RAB37: variants seen among roughly 807,000 people sequenced by gnomAD.
RAB37 encodes ras-related protein Rab-37.
Under a neutral mutation model 33.1 loss-of-function variants are expected in RAB37, and 29 were observed. The observed-to-expected ratio is 0.88, with a 90% CI of 0.65 to 1.20. The LOEUF (loss-of-function observed/expected upper bound fraction) is 1.20. Among genes scored for constraint, RAB37 ranks in the 50% most tolerant of loss-of-function variants. The pLI is 0.00. For synonymous variants in RAB37, 128 were observed against 119.5 expected (o/e 1.07, Z -0.47); for missense variants, 299 against 301.1 (o/e 0.99, Z 0.05).
upstream of RAB37, among the ~76,000 whole-genome samples, chr17:74,732,788 G>T (rs1481025043): frequency 1.3e-5 from 2 of 151,264 alleles, no homozygotes; most frequent in African/African-American, 4.9e-5. Flanking sequence ...GGTGTGTGTG[G>T]TGTGAGGTGT....
chr17:74,723,099 C>T (rs528860578), intron 1 of RAB37, among the ~76,000 whole-genome samples: 2 of 152,318 alleles, frequency 1.3e-5, no homozygotes, highest in South Asian at 2.1e-4. Flanking sequence ...TTGCGTCTTC[C>T]GCAAAGTTGC....
chr17:74,727,699 C>T (rs2034322431), intron 1 of RAB37, among the ~76,000 whole-genome samples: 1 of 152,244 alleles, frequency 6.6e-6, no homozygotes, highest in South Asian at 2.1e-4. Flanking sequence ...GACACATTCT[C>T]ATGGTCACTT....
chr17:74,691,075 T>A (rs1244538483), intron 1 of RAB37, among the ~76,000 whole-genome samples: 1 of 152,040 alleles, frequency 6.6e-6, no homozygotes, highest in African/African-American at 2.4e-5. Context: ...CCTGGCTAAT[T>A]TTTTTAATTT....
intron 1 of RAB37, among the ~76,000 whole-genome samples, chr17:74,693,586 G>T (rs2032209276): frequency 6.6e-6 from 1 of 152,086 alleles, no homozygotes; most frequent in Non-Finnish European, 1.5e-5. Context: ...AGACGTGGTG[G>T]GGTTCAGGGT....
At position 74,730,911 on chromosome 17, in the gene RAB37, AGTGTGTG is replaced by A. The variant is rs781695624; in HGVS notation, c.183+1548_183+1554del. Among the ~76,000 whole-genome samples the A allele has an allele frequency of 2.6e-5, 4 of 152,238 alleles. No homozygotes were observed. The highest frequency in any genetic ancestry group is 1.3e-4 in the Admixed American group (2 of 15,286). ...CCGATTTCCTGTGAAGGAAAAAGAAAGTGTGTGGTCAAACTGTTTGTCTAGCCTGAGA... is the reference window on the plus strand; with the variant it reads ...CCGATTTCCTGTGAAGGAAAAAGAAAGTCAAACTGTTTGTCTAGCCTGAGA... On this transcript the variant is annotated intron_variant, in intron 2 of 7. Coordinates refer to the RAB37 transcript ENST00000340415. This position sits in a 1 kb window ranked among gnomAD's most constrained non-coding sequence, Gnocchi z 4.4.
intron 1 of RAB37, among the ~76,000 whole-genome samples, chr17:74,697,092 C>A (rs2143585883): frequency 6.6e-6 from 1 of 152,292 alleles, no homozygotes; most frequent in Non-Finnish European, 1.5e-5. Context: ...CAGATGTGTG[C>A]CACCATATCC....
intron 1 of RAB37, chr17:74,698,734 T>A: frequency 2.4e-6 from 2 of 830,422 alleles, no homozygotes; most frequent in African/African-American, 1.7e-5. Context: ...AAGCAAAGAA[T>A]CAAAAAACTA....
Position 74,747,267 on chromosome 17 carries a change from TC to T in RAB37, c.*1859del, listed in dbSNP as rs1413670747. 6.6e-6 allele frequency: 1 copy of T among 151,336 alleles called. No homozygotes were observed. Among genetic ancestry groups the T allele is most frequent in the African/African-American group, 2.4e-5 (1 of 41,112 alleles). The allele number at this position is 151,336 out of a possible 1,614,324, so 9.4% of individuals were successfully genotyped here. A position where few individuals can be genotyped will look rare whatever the true frequency, so the allele number is the denominator to read the frequency against. ...CCAAGGCAGGTTGCAGGAGATCCAA[TC>T]CCATAGACAGCTCTGGGCCTCTTGC... is the stretch of plus-strand genomic sequence containing the variant. On this transcript the variant is annotated 3_prime_UTR_variant, in exon 9 of 9. Coordinates refer to ENST00000392613, the MANE Select transcript of RAB37 (RefSeq NM_001006638.3).
intron 1 of RAB37, among the ~76,000 whole-genome samples, chr17:74,709,503 G>A (rs1034321652): frequency 2.0e-5 from 3 of 151,906 alleles, no homozygotes; most frequent in Non-Finnish European, 4.4e-5. Flanking sequence ...GCACTTTTTT[G>A]TACATTTTAT....
intron 1 of RAB37, among the ~76,000 whole-genome samples, chr17:74,709,225 A>T (rs1285680632): frequency 6.6e-6 from 1 of 152,170 alleles, no homozygotes; most frequent in Non-Finnish European, 1.5e-5. Context: ...TGACTCAAAA[A>T]AAAAAAGGAA....
intron 1 of RAB37, among the ~76,000 whole-genome samples, chr17:74,679,276 C>T (rs1457038836): frequency 6.6e-6 from 1 of 152,064 alleles, no homozygotes; most frequent in Non-Finnish European, 1.5e-5. Context: ...CTGGTAACAC[C>T]TTCCCCAAGC....
intron 1 of RAB37, chr17:74,704,420 C>G: frequency 8.0e-7 from 1 of 1,253,632 alleles, no homozygotes; most frequent in Admixed American, 1.9e-5. Context: ...AGTAGGACCT[C>G]AGAGACCAGG....
chr17:74,719,340 C>G (rs2034208406), intron 1 of RAB37, among the ~76,000 whole-genome samples: 1 of 152,082 alleles, frequency 6.6e-6, no homozygotes, highest in Non-Finnish European at 1.5e-5. Context: ...GTCCCAGTTA[C>G]TTGGGAGGCT....
At chr17:74,708,254 A>G (rs1419171016) in intron 1 of RAB37, among the ~76,000 whole-genome samples, 1 of 152,206 alleles carries the variant, frequency 6.6e-6, no homozygotes, top group East Asian at 1.9e-4. Flanking sequence ...CAGCTATTAT[A>G]TTTAAATAAA....
At chr17:74,743,605 T>G (rs1275240841) in intron 5 of RAB37, among the ~76,000 whole-genome samples, 1 of 152,044 alleles carries the variant, frequency 6.6e-6, no homozygotes, top group Non-Finnish European at 1.5e-5. Flanking sequence ...TGACAAAGTG[T>G]TCAGAACAGC....
At chr17:74,677,522 G>C (rs2031861021) in intron 1 of RAB37, 1 of 152,168 alleles carries the variant, frequency 6.6e-6, no homozygotes, top group Non-Finnish European at 1.5e-5. Context: ...AAGCGCACTA[G>C]TTCCAATTCT....
chr17:74,736,616 G>C (rs1007025879), upstream of RAB37: 8 of 1,533,852 alleles, frequency 5.2e-6, no homozygotes, highest in African/African-American at 1.1e-4. Context: ...CCCCTGGTGG[G>C]ACATTCTGGG....
At chr17:74,706,282 A>AATATAT (rs35583593) in intron 1 of RAB37, among the ~76,000 whole-genome samples, 5 of 145,124 alleles carry the variant, frequency 3.4e-5, no homozygotes, top group African/African-American at 1.0e-4. Context: ...GGAAAAAAAA[A>AATATAT]ATATATATAT....
intron 1 of RAB37, among the ~76,000 whole-genome samples, chr17:74,715,334 C>G (rs1465232839): frequency 1.3e-5 from 2 of 152,138 alleles, no homozygotes; most frequent in African/African-American, 2.4e-5. Flanking sequence ...GCTGATAAGC[C>G]ATGGCTTTTC....
Sources: allele counts gnomAD v4.1 joint callset (sites outside exome capture counted in the v4.1 genomes callset), GRCh38; gene constraint gnomAD v4.1.1; non-coding constraint Gnocchi (gnomAD v3.1); transcripts MANE v1.5; gene names NCBI Gene and HGNC (gene_info 2026-07-23, HGNC 2026-07-21).